MEAK7: variants seen among roughly 807,000 people sequenced by gnomAD.
MEAK7 encodes the protein MTOR-associated protein MEAK7.
A neutral mutation model predicts 40.5 loss-of-function variants in MEAK7; 68 were observed. That is an observed-to-expected ratio of 1.68 (90% CI 1.38 to 2.06). The LOEUF (loss-of-function observed/expected upper bound fraction) is 2.06, where lower values mean the gene tolerates loss of function less well. Among genes scored for constraint, MEAK7 ranks in the 30% most tolerant of loss-of-function variants. The pLI, the probability that MEAK7 is intolerant of heterozygous loss-of-function variation, is 0.00. For missense variants in MEAK7, 918 were observed against 580.5 expected (o/e 1.58, Z -5.98); for synonymous variants, 338 against 231.9 (o/e 1.46, Z -4.16).
rs199593553 is a variant in MEAK7 at position 84,498,059 on chromosome 16, G to A, written c.28C>T (p.Arg10Trp). 1.2e-5 allele frequency: 19 copies of A among 1,613,210 alleles called. No homozygotes were observed. The highest frequency in any genetic ancestry group is 9.9e-5 in the South Asian group (9 of 90,944). MGNSRSRVG[R>W]SFCSQFLPEE... is the part of the protein sequence containing the mutation. ...GGAAGAAACTGTGAACAAAAGCTCC[G>A]CCCCACACGGCTTCTGCTGTTCCCC... Residue 10 changes from arginine (R) to tryptophan (W), a missense_variant, in exon 2 of 8, where the codon CGG becomes TGG. Coordinates refer to ENST00000343629, the MANE Select transcript of MEAK7 (RefSeq NM_020947.4).
Position 84,498,083 on chromosome 16 carries a change from C to T in MEAK7, c.4G>A (p.Gly2Arg), listed in dbSNP as rs751864341. Reference protein sequence around the residue: MGNSRSRVGRSF... With the variant: MRNSRSRVGRSF... The stretch of plus-strand genomic sequence containing the variant: ...CGCCCCACACGGCTTCTGCTGTTCC[C>T]CATCTGTCCTGATATCTGGCAGAAT... The change falls in exon 2 of 8, where the codon GGG becomes AGG. Residue 2 changes from glycine (G) to arginine (R), a missense_variant. Gly to Arg is a moderately radical substitution (Grantham distance 125, BLOSUM62 -2). Coordinates refer to ENST00000343629, the MANE Select transcript of MEAK7 (RefSeq NM_020947.4). 1 of 1,606,228 alleles carries T rather than the reference C, an allele frequency of 6.2e-7. No individual in the cohort carries two copies. Among genetic ancestry groups the T allele is most frequent in the Admixed American group, 1.7e-5 (1 of 58,498 alleles).
Position 84,477,971 on chromosome 16 carries a change from A to C in MEAK7, c.*1942T>G, listed in dbSNP as rs766807813. On this transcript the variant is annotated 3_prime_UTR_variant, in exon 8 of 8. Transcript: ENST00000343629. ...CAGGGTGGAAAGCATGTGAGTGGAC[A>C]AAGTCCTAACCTTTGCAGCGGCCTG... 6.6e-6 allele frequency: 1 copy of C among 152,228 alleles called. No homozygotes were observed. Among genetic ancestry groups the C allele is most frequent in the African/African-American group, 2.4e-5 (1 of 41,456 alleles). 9.4% of individuals were successfully genotyped at this position (152,228 alleles called of 1,614,324 possible).
chr16:84,483,267 G>A (rs1328916285), intron 5 of MEAK7, among the ~76,000 whole-genome samples: 2 of 152,234 alleles, frequency 1.3e-5, no homozygotes, highest in Non-Finnish European at 2.9e-5. Flanking sequence ...GCCATTAAAA[G>A]AAAGGTACCA....
At chr16:84,502,515 T>TCA (rs1567508938) in intron 1 of MEAK7, among the ~76,000 whole-genome samples, 2 of 152,040 alleles carry the variant, frequency 1.3e-5, no homozygotes, top group African/African-American at 4.8e-5. Flanking sequence ...AGGGTTGTGT[T>TCA]ATGCACAGCT....
intron 1 of MEAK7, among the ~76,000 whole-genome samples, chr16:84,501,121 AAAAAG>A (rs1255091334): frequency 2.0e-5 from 3 of 151,204 alleles, no homozygotes; most frequent in Non-Finnish European, 4.4e-5. Flanking sequence ...AAAAAAAAAA[AAAAAG>A]AGGGGAAACA....
At chr16:84,493,179 T>C (rs948117606) in intron 3 of MEAK7, among the ~76,000 whole-genome samples, 2 of 152,208 alleles carry the variant, frequency 1.3e-5, no homozygotes, top group African/African-American at 4.8e-5. Context: ...TAATTACTAT[T>C]ATGTAAAGTT....
At chr16:84,481,729 G>C (rs1002262035) in intron 6 of MEAK7, among the ~76,000 whole-genome samples, 9 of 152,042 alleles carry the variant, frequency 5.9e-5, no homozygotes, top group Non-Finnish European at 1.2e-4. Flanking sequence ...GTCAGGAGAT[G>C]GAGACCATCC....
chr16:84,488,891 CCAAA>C (rs1178066020), intron 4 of MEAK7, among the ~76,000 whole-genome samples: 3 of 151,754 alleles, frequency 2.0e-5, no homozygotes, highest in Non-Finnish European at 2.9e-5. Context: ...GAAAAGAAGA[CCAAA>C]CAAATTTAAA....
rs755843633 is a variant in MEAK7, at chr16:84,487,072, G to A, written c.530-13C>T. The A allele has an allele frequency of 4.4e-6, 7 of 1,603,260 alleles. No homozygotes were observed. The South Asian group carries it at 6.8e-5, about 15-fold the overall frequency. ...AGTCTCTTGCCATCTAGGGGAAGGG[G>A]ATGGTCAGCATTAGTGGGGCTGTTA... On this transcript the variant is annotated splice_polypyrimidine_tract_variant and intron_variant, in intron 4 of 7. Coordinates refer to ENST00000343629, the MANE Select transcript of MEAK7 (RefSeq NM_020947.4).
chr16:84,485,705 T>C (rs560894547), intron 5 of MEAK7, among the ~76,000 whole-genome samples: 3 of 151,906 alleles, frequency 2.0e-5, no homozygotes, highest in African/African-American at 7.2e-5. Context: ...TATCTAGAGA[T>C]GGAGTCTCGC....
At position 84,495,913 on chromosome 16, in the gene MEAK7, T is replaced by C. The variant is rs140610075; in HGVS notation, c.154A>G (p.Asn52Asp). The stretch of plus-strand genomic sequence containing the variant: ...GGGGGAAGAGCTTCCCCGACGTGGT[T>C]CTGCCGGGGACAAGCAGAAAAATAT... ...SKSFSLKALQ[N>D]HVGEALPPEM... Residue 52 changes from asparagine (N) to aspartate (D), a missense_variant and splice_region_variant, in exon 3 of 8, where the codon AAC becomes GAC. Physicochemically the swap from Asn to Asp is conservative, Grantham distance 23. Coordinates refer to ENST00000343629, the MANE Select transcript of MEAK7 (RefSeq NM_020947.4). 3,229 of 1,613,920 alleles carry C rather than the reference T, an allele frequency of 2.0e-3. 3 individuals carry two copies. Among genetic ancestry groups the C allele is most frequent in the Non-Finnish European group, 2.1e-3 (2,430 of 1,180,002 alleles).
chr16:84,491,784 C>G (rs994889702), intron 3 of MEAK7, among the ~76,000 whole-genome samples: 2 of 149,874 alleles, frequency 1.3e-5, no homozygotes, highest in Non-Finnish European at 3.0e-5. Flanking sequence ...CTTGCAGTGA[C>G]TGAGATCGCG....
rs199749264 is a variant in MEAK7 at position 84,486,965 on chromosome 16, T to C, written c.624A>G (p.Ile208Met). The C allele has an allele frequency of 3.9e-4, 622 of 1,614,106 alleles. No homozygotes were observed. Among genetic ancestry groups the C allele is most frequent in the Non-Finnish European group, 5.0e-4 (595 of 1,180,014 alleles). Residue 208 changes from isoleucine to methionine, a missense_variant, in exon 5 of 8, where the codon ATA becomes ATG. Ile to Met is a conservative substitution (Grantham distance 10). Transcript: ENST00000343629. The stretch of plus-strand genomic sequence containing the variant: ...CCTTGCAAATGACCACACTCAGGAA[T>C]ATGGCCACATGGGGGACCCTGAACA... The part of the protein sequence containing the change: ...DWVFRVPHVA[I>M]FLSVVICKGF...
chr16:84,498,198 T>C lies in MEAK7; in HGVS notation c.-25-87A>G, dbSNP rs966365686. 9 of 1,408,938 alleles carry C rather than the reference T, an allele frequency of 6.4e-6. No individual in the cohort carries two copies. The Admixed American group carries it at 7.0e-5, about 11-fold the overall frequency. The allele number at this position is 1,408,938 out of a possible 1,614,324, so 87.3% of individuals were successfully genotyped here. On this transcript the variant is annotated intron_variant, in intron 1 of 7. Transcript: ENST00000343629. ...GTTGAGAATTATATGGTCAAGTTAA[T>C]ATATACTGATATAGCCACAAAATGT...
intron 3 of MEAK7, 158 bp downstream of exon 3, chr16:84,495,525 T>C (rs1477696176): frequency 3.0e-6 from 2 of 668,926 alleles, no homozygotes; most frequent in South Asian, 1.9e-5. Context: ...CTCCCAGACA[T>C]GCCCTTAACC....
chr16:84,499,143 G>T (rs940328956), intron 1 of MEAK7, among the ~76,000 whole-genome samples: 2 of 152,288 alleles, frequency 1.3e-5, no homozygotes, highest in East Asian at 3.9e-4. Context: ...GGTGACCTGG[G>T]GCCTTGTTCA....
At chr16:84,499,854 T>C (rs1914355434) in intron 1 of MEAK7, 1 of 152,196 alleles carries the variant, frequency 6.6e-6, no homozygotes, top group South Asian at 2.1e-4. Flanking sequence ...CACAGCAACG[T>C]AGCAAGACCT....
Position 84,479,906 on chromosome 16 carries a change from C to T in MEAK7, c.*7G>A, listed in dbSNP as rs369858968. The T allele has an allele frequency of 1.5e-5, 24 of 1,586,060 alleles. No homozygotes were observed. The highest frequency in any genetic ancestry group is 1.7e-5 in the Admixed American group (1 of 58,188). ...GGTCCTGGCTCCAGGAAGGCTCAGG[C>T]GGCTCCTCATTCATCGTCCGGGACT... On this transcript the variant is annotated 3_prime_UTR_variant, in exon 8 of 8. Transcript: ENST00000343629.
intron 3 of MEAK7, among the ~76,000 whole-genome samples, chr16:84,489,976 A>C (rs1008849949): frequency 3.9e-5 from 6 of 152,168 alleles, no homozygotes; most frequent in African/African-American, 1.4e-4. Flanking sequence ...CCCCACTCCT[A>C]GGAAAGTAGA....
Sources: gnomAD v4.1 joint callset for allele counts (sites outside exome capture counted in the v4.1 genomes callset) on GRCh38, gnomAD v4.1.1 for gene constraint, MANE v1.5 for transcripts, NCBI Gene and HGNC (gene_info 2026-07-23, HGNC 2026-07-21) for gene names.